The following GRAMD1B variants were observed in gnomAD, a reference collection of about 807,000 sequenced individuals.
GRAMD1B encodes protein Aster-B.
A neutral mutation model predicts 99.7 loss-of-function variants in GRAMD1B; 37 were observed. That is an observed-to-expected ratio of 0.37 (90% confidence interval 0.29 to 0.49). The LOEUF (loss-of-function observed/expected upper bound fraction) is 0.49, where lower values mean the gene tolerates loss of function less well. GRAMD1B is among the 20% of genes least tolerant of loss of function. The pLI is 0.98. For missense variants in GRAMD1B, 888 were observed against 1,009.2 expected (o/e 0.88, Z 1.63); for synonymous variants, 427 against 387.6 (o/e 1.10, Z -1.19).
At chr11:123,601,445 G>A (rs1214332589) in intron 8 of GRAMD1B, among the ~76,000 whole-genome samples, 1 of 151,564 alleles carries the variant, frequency 6.6e-6, no homozygotes, top group African/African-American at 2.4e-5. Context: ...CTGTCTCCAA[G>A]CCAGAGAAAG....
intron 2 of GRAMD1B, chr11:123,491,763 AG>A (rs939519900): frequency 7.5e-6 from 3 of 397,650 alleles, no homozygotes; most frequent in Non-Finnish European, 1.3e-5. Context: ...GGTAGCTGCA[AG>A]GGCAGCAAGT....
chr11:123,567,328 C>G (rs1947503609), intron 2 of GRAMD1B, among the ~76,000 whole-genome samples: 1 of 152,108 alleles, frequency 6.6e-6, no homozygotes, highest in Non-Finnish European at 1.5e-5. Context: ...GAACCTTTTC[C>G]CCAGCAGCTT....
In GRAMD1B at chr11:123,440,362, T is replaced by G. The variant is rs141421607; in HGVS notation, c.374+9196T>G. 3.9e-3 allele frequency among the ~76,000 whole-genome samples: 596 copies of G among 152,122 alleles called. 6 individuals are homozygous for G. Among genetic ancestry groups the G allele is most frequent in the African/African-American group, 0.014 (583 of 41,482 alleles). ...CCCGTCTCTACTAAAATACAAAAAT[T>G]AGCCAGGCATGATGGTGGGTGCCTG... is the stretch of plus-strand genomic sequence containing the variant. On this transcript the variant is annotated intron_variant, in intron 1 of 19. Transcript: ENST00000635736.
intron 2 of GRAMD1B, among the ~76,000 whole-genome samples, chr11:123,503,463 T>C (rs761868805): frequency 9.2e-5 from 14 of 152,214 alleles, no homozygotes; most frequent in Non-Finnish European, 1.9e-4. Flanking sequence ...ACCCCTAAGA[T>C]AGTAATTATA....
chr11:123,582,143 G>A (rs867031797), intron 3 of GRAMD1B, among the ~76,000 whole-genome samples: 3 of 152,250 alleles, frequency 2.0e-5, no homozygotes, highest in African/African-American at 4.8e-5. Context: ...CTCCCAGAGC[G>A]CACCTTCCTA....
At chr11:123,437,172 C>T (rs1012695926) in intron 1 of GRAMD1B, among the ~76,000 whole-genome samples, 4 of 152,222 alleles carry the variant, frequency 2.6e-5, no homozygotes, top group Admixed American at 2.0e-4. Flanking sequence ...AATTTTTTTG[C>T]TGGCCATGTT....
Position 123,380,810 on chromosome 11 carries a change from T to C in GRAMD1B, c.-176+22011T>C, listed in dbSNP as rs572683075. On this transcript the variant is annotated intron_variant, in intron 1 of 20. Coordinates refer to the GRAMD1B transcript ENST00000638157. ...ATGCTAGTGCACCCCCACAGCCTCATGTCTGCCTGTCCACCCCATCTCCCT... is the reference window on the plus strand; with the variant it reads ...ATGCTAGTGCACCCCCACAGCCTCACGTCTGCCTGTCCACCCCATCTCCCT... Among the ~76,000 whole-genome samples, 40 of 152,280 alleles carry C rather than the reference T, an allele frequency of 2.6e-4. No homozygotes were observed. In the South Asian group the frequency reaches 8.3e-3, roughly 32 times the overall value.
At chr11:123,432,425 C>T (rs10893037) in intron 1 of GRAMD1B, among the ~76,000 whole-genome samples, 48,816 of 151,884 alleles carry the variant, frequency 0.32, 9,853 homozygotes, top group East Asian at 0.79. Flanking sequence ...GGTGTAGTGG[C>T]AGGCTCCTGT....
At chr11:123,507,360 G>A (rs1051236334) in intron 2 of GRAMD1B, among the ~76,000 whole-genome samples, 2 of 152,152 alleles carry the variant, frequency 1.3e-5, no homozygotes, top group African/African-American at 4.8e-5. Context: ...TTGTATTCAA[G>A]ACCATAGTCT....
chr11:123,458,915 C>T (rs541417357), intron 1 of GRAMD1B: 1 of 151,966 alleles, frequency 6.6e-6, no homozygotes, highest in East Asian at 1.9e-4. Flanking sequence ...CCTTTGTGCT[C>T]CTGTAATTTC....
At chr11:123,529,262 G>A (rs182858593) in intron 2 of GRAMD1B, among the ~76,000 whole-genome samples, 1 of 152,320 alleles carries the variant, frequency 6.6e-6, no homozygotes. Context: ...CAGCTGGCAT[G>A]ACAGAGGAGT....
rs939287795 is a variant in GRAMD1B, at chr11:123,433,383, G to GAATA, written c.374+2228_374+2231dup. ...ACAAGAGCGAAACTTCATCTTAAATGAATAAATAAATAAAGTAGTTTGTCA... is the reference window on the plus strand; with the variant it reads ...ACAAGAGCGAAACTTCATCTTAAATGAATAAATAAATAAATAAAGTAGTTTGTCA... On this transcript the variant is annotated intron_variant, in intron 1 of 19. Transcript: ENST00000635736. Among the ~76,000 whole-genome samples, 8 of 152,220 alleles carry GAATA rather than the reference G, an allele frequency of 5.3e-5. No homozygotes were observed. In the East Asian group the frequency reaches 1.5e-3, roughly 29 times the overall value.
intron 1 of GRAMD1B, among the ~76,000 whole-genome samples, chr11:123,397,141 C>G (rs112087739): frequency 5.9e-5 from 9 of 152,082 alleles, no homozygotes; most frequent in African/African-American, 1.9e-4. Context: ...TGGTGTCCCC[C>G]GCCTGTAATC....
chr11:123,551,422 C>A (rs1565361852), intron 2 of GRAMD1B, among the ~76,000 whole-genome samples: 1 of 152,190 alleles, frequency 6.6e-6, no homozygotes, highest in Non-Finnish European at 1.5e-5. Flanking sequence ...CGATGTTGTA[C>A]TTTGCCTTAC....
chr11:123,402,967 C>CT (rs10674808), intron 1 of GRAMD1B, among the ~76,000 whole-genome samples: 70,935 of 148,010 alleles, frequency 0.48, 17,260 homozygotes, highest in African/African-American at 0.61. Context: ...GATTAAAAAT[C>CT]TTTTTTTTTT....
At chr11:123,461,559 G>A (rs1413553788) in intron 1 of GRAMD1B, among the ~76,000 whole-genome samples, 1 of 152,178 alleles carries the variant, frequency 6.6e-6, no homozygotes, top group African/African-American at 2.4e-5. Context: ...GATTGTCTAT[G>A]GTTTCTTCCC....
At chr11:123,479,308 G>A (rs773381059) in intron 1 of GRAMD1B, among the ~76,000 whole-genome samples, 5 of 152,198 alleles carry the variant, frequency 3.3e-5, no homozygotes, top group African/African-American at 4.8e-5. Context: ...GAACATAAGA[G>A]CATGTGGTAA....
chr11:123,594,571 G>T (rs1951042165), intron 5 of GRAMD1B, among the ~76,000 whole-genome samples, 164 bp from the exon 6 acceptor site: 1 of 152,202 alleles, frequency 6.6e-6, no homozygotes, highest in Non-Finnish European at 1.5e-5. Context: ...ATCATGAGAT[G>T]GTAGGGACTT....
intron 2 of GRAMD1B, among the ~76,000 whole-genome samples, chr11:123,511,954 G>T (rs987880849): frequency 5.9e-5 from 9 of 152,234 alleles, no homozygotes; most frequent in Admixed American, 5.9e-4. Flanking sequence ...ACACACATCT[G>T]TTGTTTTAAT....
Sources: gnomAD v4.1 joint callset for allele counts (sites outside exome capture counted in the v4.1 genomes callset) on GRCh38, gnomAD v4.1.1 for gene constraint, MANE v1.5 for transcripts, NCBI Gene and HGNC (gene_info 2026-07-23, HGNC 2026-07-21) for gene names.